NF1: variants seen among roughly 807,000 people sequenced by gnomAD.
NF1 encodes the protein neurofibromin.
A neutral mutation model predicts 325.7 loss-of-function variants in NF1; 122 were observed. That is an observed-to-expected ratio of 0.37 (90% CI 0.32 to 0.44). The LOEUF is 0.44. Ranked by LOEUF, NF1 falls within the 20% of genes least tolerant of loss-of-function variation. The pLI is 1.00. For missense variants in NF1, 2,140 were observed against 3,415.4 expected, an observed-to-expected ratio of 0.63 and a Z score of 9.31; for synonymous variants, 1,091 against 1,186.0, an observed-to-expected ratio of 0.92 and a Z score of 1.65.
intron 1 of NF1, among the ~76,000 whole-genome samples, chr17:31,120,685 G>T (rs1284888033): frequency 6.6e-6 from 1 of 151,812 alleles, no homozygotes; most frequent in Non-Finnish European, 1.5e-5. Context: ...TCTTGTGCCG[G>T]TTTTCAAAGG....
intron 13 of NF1, among the ~76,000 whole-genome samples, chr17:31,215,484 T>C (rs980918251): frequency 1.3e-5 from 2 of 152,232 alleles, no homozygotes; most frequent in Non-Finnish European, 2.9e-5. Flanking sequence ...GCCTTAGTTT[T>C]CTCATCTGAT....
At chr17:31,358,789 G>A (rs2070334314) in intron 55 of NF1, 167 bp downstream of exon 55, 4 of 1,104,790 alleles carry the variant, frequency 3.6e-6, no homozygotes. Context: ...GTAACTGGTT[G>A]ACAACTTTTT....
At chr17:31,271,415 C>T (rs138004237) in intron 36 of NF1, among the ~76,000 whole-genome samples, 10 of 152,102 alleles carry the variant, frequency 6.6e-5, no homozygotes, top group East Asian at 5.8e-4. Context: ...TTTTGTAGAG[C>T]GCTTTAGTTT....
At chr17:31,306,641 C>T (rs1176321834) in intron 36 of NF1, among the ~76,000 whole-genome samples, 1 of 152,080 alleles carries the variant, frequency 6.6e-6, no homozygotes, top group African/African-American at 2.4e-5. Flanking sequence ...TAAAGAATTT[C>T]ATTCAACTCA....
intron 48 of NF1, among the ~76,000 whole-genome samples, chr17:31,344,657 A>C (rs979189727): frequency 1.3e-5 from 2 of 152,284 alleles, no homozygotes; most frequent in Non-Finnish European, 2.9e-5. Context: ...TCTACAAAAA[A>C]TATTGACAGT....
At chr17:31,138,294 GGCTCTGTCGCCCA>G (rs773995618) in intron 1 of NF1, 2 of 151,616 alleles carry the variant, frequency 1.3e-5, no homozygotes, top group Non-Finnish European at 2.9e-5. Flanking sequence ...GACAGGGTCT[GGCTCTGTCGCCCA>G]GGCTGGAGTG....
At chr17:31,259,822 T>G (rs1490706695) in intron 33 of NF1, among the ~76,000 whole-genome samples, 2 of 152,242 alleles carry the variant, frequency 1.3e-5, no homozygotes, top group Middle Eastern at 3.2e-3. Flanking sequence ...CCTCATCATC[T>G]AAGCTAGCCT....
chr17:31,320,388 A>G (rs2069152967), intron 36 of NF1: 1 of 1,608,088 alleles, frequency 6.2e-7, no homozygotes, highest in Admixed American at 1.7e-5. Flanking sequence ...TAGTATAGGT[A>G]GGGCCTGAAA....
chr17:31,171,525 G>A (rs927876969), intron 5 of NF1, among the ~76,000 whole-genome samples: 3 of 152,156 alleles, frequency 2.0e-5, no homozygotes, highest in African/African-American at 7.2e-5. Context: ...TGTTCAATCC[G>A]TAATAATTAA....
chr17:31,175,350 T>TG (rs1404532802), intron 5 of NF1, among the ~76,000 whole-genome samples: 1 of 130,158 alleles, frequency 7.7e-6, no homozygotes, highest in Non-Finnish European at 1.7e-5. Context: ...TTTTGCTTTT[T>TG]TTTTTTTTTT....
At chr17:31,220,821 T>TA (rs1220502362) in intron 14 of NF1, among the ~76,000 whole-genome samples, 3 of 152,152 alleles carry the variant, frequency 2.0e-5, no homozygotes, top group African/African-American at 7.2e-5. Context: ...ATTTGTCACT[T>TA]AAAAAAACTA....
chr17:31,190,764 T>C (rs2143827714), intron 8 of NF1, among the ~76,000 whole-genome samples: 1 of 152,348 alleles, frequency 6.6e-6, no homozygotes, highest in African/African-American at 2.4e-5. Context: ...TATTACTAGA[T>C]TTACATTCCC....
chr17:31,338,402 G>T (rs532722190), intron 45 of NF1, among the ~76,000 whole-genome samples: 38 of 152,174 alleles, frequency 2.5e-4, no homozygotes, highest in African/African-American at 8.9e-4. Flanking sequence ...CTTTTGCTAA[G>T]CAGGTACACT....
At chr17:31,268,726 T>C (rs1216871213) in intron 36 of NF1, among the ~76,000 whole-genome samples, 2 of 151,768 alleles carry the variant, frequency 1.3e-5, no homozygotes, top group African/African-American at 4.8e-5. Context: ...TGAGACAGGG[T>C]CTCACTCTGT....
chr17:31,305,326 T>C (rs1454338954), intron 36 of NF1: 2 of 1,614,016 alleles, frequency 1.2e-6, no homozygotes, highest in African/African-American at 2.7e-5. Flanking sequence ...AGCAGAAGTA[T>C]GTGCTTCTGG....
At chr17:31,254,108 T>TG (rs1248936215) in intron 31 of NF1, 2 of 149,844 alleles carry the variant, frequency 1.3e-5, no homozygotes, top group African/African-American at 5.0e-5. Flanking sequence ...ACAAATAATT[T>TG]TTTTTTTTTT....
intron 36 of NF1, among the ~76,000 whole-genome samples, chr17:31,268,909 T>A (rs1378953244): frequency 2.0e-5 from 3 of 151,944 alleles, no homozygotes. Context: ...TTTTGCTATG[T>A]TGCGCAGGCT....
rs199474778 is a variant in NF1, at chr17:31,227,549, G to A, written c.2352G>A (p.Trp784Ter). ...CTTGGGAAGATACACATGCAAAATG[G>A]GAACAAGCAACAAAGCTAATCCTTA... is the stretch of plus-strand genomic sequence containing the variant. ...TEAWEDTHAKWEQATKLILNY... is the reference protein window; with the variant it reads ...TEAWEDTHAK Residue 784 changes from tryptophan to a stop codon, truncating the protein, a stop_gained, in exon 20 of 58, where the codon TGG becomes TGA. Transcript: ENST00000358273. LOFTEE classifies it high-confidence loss of function. 6.2e-7 allele frequency: 1 copy of A among 1,613,808 alleles called. No individual in the cohort carries two copies.
intron 12 of NF1, among the ~76,000 whole-genome samples, chr17:31,210,983 T>A (rs569089405): frequency 6.6e-6 from 1 of 152,322 alleles, no homozygotes; most frequent in East Asian, 1.9e-4. Context: ...AAACTGCCAA[T>A]AACAGATATA....
Sources: gnomAD v4.1 joint callset for allele counts (sites outside exome capture counted in the v4.1 genomes callset) on GRCh38, gnomAD v4.1.1 for gene constraint, MANE v1.5 for transcripts, NCBI Gene and HGNC (gene_info 2026-07-23, HGNC 2026-07-21) for gene names.